Variants in ARHGAP10 observed in about 807,000 individuals in gnomAD.
The protein encoded by ARHGAP10 is rho GTPase-activating protein 10.
Under a neutral mutation model 108.6 loss-of-function variants are expected in ARHGAP10, and 87 were observed. The observed-to-expected ratio is 0.80, with a 90% confidence interval of 0.67 to 0.96. ARHGAP10 has a LOEUF of 0.96. ARHGAP10 is among the 40% of genes least tolerant of loss of function. The pLI is 0.00. For missense variants in ARHGAP10, 939 were observed against 954.5 expected (o/e 0.98, Z 0.21); for synonymous variants, 347 against 341.1 (o/e 1.02, Z -0.19).
At chr4:148,019,899 T>G (rs1243307524) in intron 18 of ARHGAP10, among the ~76,000 whole-genome samples, 2 of 152,216 alleles carry the variant, frequency 1.3e-5, no homozygotes, top group Non-Finnish European at 2.9e-5. Context: ...GGATGATAGC[T>G]TAGCTTTCTG....
intron 3 of ARHGAP10, among the ~76,000 whole-genome samples, chr4:147,840,454 C>T (rs188581543): frequency 1.4e-4 from 21 of 152,228 alleles, no homozygotes; most frequent in African/African-American, 4.8e-4. Flanking sequence ...ATTCTGGTTA[C>T]ATTCCTGCTT....
intron 10 of ARHGAP10, among the ~76,000 whole-genome samples, chr4:147,886,389 C>G (rs1479449595): frequency 6.6e-6 from 1 of 152,190 alleles, no homozygotes; most frequent in Admixed American, 6.5e-5. Flanking sequence ...ATTCCTTAGA[C>G]TTTGTCATTG....
chr4:148,016,152 A>C (rs1741336376), intron 18 of ARHGAP10, among the ~76,000 whole-genome samples: 2 of 152,234 alleles, frequency 1.3e-5, no homozygotes, highest in South Asian at 2.1e-4. Context: ...ATATACAAAC[A>C]TAATCTTCTA....
At chr4:147,894,267 C>CTTT (rs1735903744) in intron 10 of ARHGAP10, among the ~76,000 whole-genome samples, 1 of 152,098 alleles carries the variant, frequency 6.6e-6, no homozygotes, top group Admixed American at 6.6e-5. Context: ...CCTTACTAAC[C>CTTT]TTTGGTTATG....
At chr4:148,060,345 G>GTTTTTT (rs75224309) in intron 20 of ARHGAP10, among the ~76,000 whole-genome samples, 2 of 135,104 alleles carry the variant, frequency 1.5e-5, no homozygotes, top group African/African-American at 5.7e-5. Context: ...CTCATGTTTA[G>GTTTTTT]TTTTTTTTTT....
At chr4:147,937,136 G>C (rs1737983918) in intron 13 of ARHGAP10, among the ~76,000 whole-genome samples, 1 of 152,190 alleles carries the variant, frequency 6.6e-6, no homozygotes, top group African/African-American at 2.4e-5. Context: ...AAAGGTTGGG[G>C]ATGGGGGCTG....
chr4:147,732,763 G>T (rs1229352103), intron 1 of ARHGAP10, among the ~76,000 whole-genome samples: 1 of 152,188 alleles, frequency 6.6e-6, no homozygotes, highest in Non-Finnish European at 1.5e-5. Flanking sequence ...CGCTCCGCTG[G>T]ACCGACCCTA....
At chr4:147,888,173 C>A (rs958983178) in intron 10 of ARHGAP10, among the ~76,000 whole-genome samples, 1 of 152,176 alleles carries the variant, frequency 6.6e-6, no homozygotes, top group African/African-American at 2.4e-5. Flanking sequence ...TGTTGGAGTT[C>A]AGCCCTTAGA....
intron 1 of ARHGAP10, among the ~76,000 whole-genome samples, chr4:147,802,222 T>C (rs1560766681): frequency 6.6e-6 from 1 of 152,210 alleles, no homozygotes; most frequent in Non-Finnish European, 1.5e-5. Flanking sequence ...CTGACCTGTA[T>C]TGAAGAATGG....
intron 10 of ARHGAP10, among the ~76,000 whole-genome samples, chr4:147,894,169 A>G (rs1042900079): frequency 1.3e-5 from 2 of 152,092 alleles, no homozygotes. Flanking sequence ...GGTATGGTAT[A>G]TGTATGTTTG....
intron 1 of ARHGAP10, among the ~76,000 whole-genome samples, chr4:147,780,168 A>T (rs978216195): frequency 1.3e-5 from 2 of 152,174 alleles, no homozygotes; most frequent in African/African-American, 4.8e-5. Flanking sequence ...TCTGTGAGCT[A>T]CCCATAAATT....
In ARHGAP10 at chr4:148,023,283, T is replaced by C. The variant is rs746477280; in HGVS notation, c.1737T>C (p.Asp579=). ...NHEKIFRTPP[D]TTFPEPTCLS... Reference sequence around the variant, plus strand: ...GGAAGATTTTTCGGACGCCGCCCGATACTACATTCCCTGAGCCCACCTGCC... The same window carrying C: ...GGAAGATTTTTCGGACGCCGCCCGACACTACATTCCCTGAGCCCACCTGCC... Residue 579 remains aspartate, a synonymous_variant, in exon 19 of 23, where the codon GAT becomes GAC. Coordinates refer to ENST00000336498, the MANE Select transcript of ARHGAP10 (RefSeq NM_024605.4). 3.1e-6 allele frequency: 5 copies of C among 1,614,126 alleles called. No homozygotes were observed. The East Asian group carries it at 8.9e-5, about 29-fold the overall frequency.
chr4:147,949,471 A>G (rs974996680), intron 15 of ARHGAP10, among the ~76,000 whole-genome samples: 1 of 152,196 alleles, frequency 6.6e-6, no homozygotes, highest in Admixed American at 6.5e-5. Context: ...GTTTGGAGAC[A>G]TTACTGATTT....
intron 1 of ARHGAP10, among the ~76,000 whole-genome samples, chr4:147,751,883 G>GT (rs371998598): frequency 0.062 from 7,813 of 126,286 alleles, 409 homozygotes; most frequent in African/African-American, 0.14. Context: ...GAAGCCTTTA[G>GT]TTTTTTTTTT....
chr4:147,866,791 T>C lies in ARHGAP10; in HGVS notation c.677T>C (p.Met226Thr), dbSNP rs143731526. 3.1e-4 allele frequency: 503 copies of C among 1,612,236 alleles called. No individual in the cohort carries two copies. In the African/African-American group the frequency reaches 6.1e-3, roughly 20 times the overall value. The change falls in exon 7 of 23, where the codon ATG (methionine) becomes ACG (threonine). Residue 226 changes from methionine (M) to threonine (T), a missense_variant. Transcript: ENST00000336498. ...ELAKDFNHYK[M>T]ELQINIQNTR... is the part of the protein sequence containing the mutation. Reference sequence around the variant, plus strand: ...GCCAAAGACTTCAATCACTACAAAATGGAACTACAGATCAACATTCAGAAT... The same window carrying C: ...GCCAAAGACTTCAATCACTACAAAACGGAACTACAGATCAACATTCAGAAT...
At chr4:148,062,105 C>T (rs1295188278) in intron 20 of ARHGAP10, among the ~76,000 whole-genome samples, 1 of 152,076 alleles carries the variant, frequency 6.6e-6, no homozygotes, top group Non-Finnish European at 1.5e-5. Context: ...GCGGGACGGC[C>T]CCTGGTAGGT....
chr4:147,888,518 T>A (rs1735663766), intron 10 of ARHGAP10, among the ~76,000 whole-genome samples: 1 of 152,226 alleles, frequency 6.6e-6, no homozygotes, highest in African/African-American at 2.4e-5. Flanking sequence ...ATCTTTATTT[T>A]TTCTTAAAAG....
In ARHGAP10 at chr4:147,758,991, A is replaced by AC. The variant is rs775843083; in HGVS notation, c.154+26538dup. Reference sequence around the variant, plus strand: ...CTGTCTCAAAAAAAAAAAAAAAAAAACCGAAAACAGGTGGTATATTTTTTA... The same window carrying AC: ...CTGTCTCAAAAAAAAAAAAAAAAAAACCCGAAAACAGGTGGTATATTTTTTA... On this transcript the variant is annotated intron_variant, in intron 1 of 22. Coordinates refer to ENST00000336498, the MANE Select transcript of ARHGAP10 (RefSeq NM_024605.4). Among the ~76,000 whole-genome samples the AC allele has an allele frequency of 3.7e-3, 566 of 151,068 alleles. 6 individuals carry two copies. The highest frequency in any genetic ancestry group is 0.013 in the African/African-American group (514 of 41,026).
At chr4:147,957,870 C>G (rs1343116598) in intron 16 of ARHGAP10, among the ~76,000 whole-genome samples, 3 of 151,912 alleles carry the variant, frequency 2.0e-5, no homozygotes, top group Non-Finnish European at 4.4e-5. Flanking sequence ...GTTCCTTGTT[C>G]TGAAAAAAAG....
Sources: allele counts gnomAD v4.1 joint callset (sites outside exome capture counted in the v4.1 genomes callset), GRCh38; gene constraint gnomAD v4.1.1; transcripts MANE v1.5; gene names NCBI Gene and HGNC (gene_info 2026-07-23, HGNC 2026-07-21).